The following BBS9 variants were observed in gnomAD, a reference collection of about 807,000 sequenced individuals.
BBS9 encodes protein PTHB1.
BBS9 carries 89 observed loss-of-function variants against 117.7 expected under a neutral mutation model. That is an observed-to-expected ratio of 0.76 (90% CI 0.64 to 0.90). The LOEUF is 0.90. Ranked by LOEUF, BBS9 falls within the 40% of genes least tolerant of loss-of-function variation. The pLI is 0.00. For missense variants in BBS9, 982 were observed against 1,042.2 expected (o/e 0.94, Z 0.80); for synonymous variants, 379 against 370.9 (o/e 1.02, Z -0.25).
intron 19 of BBS9, among the ~76,000 whole-genome samples, chr7:33,420,926 C>T (rs542341567): frequency 1.9e-3 from 292 of 152,252 alleles, no homozygotes; most frequent in South Asian, 8.1e-3. Flanking sequence ...TGAAACAAGC[C>T]GGCCACTATT....
chr7:33,304,447 G>A (rs1465536989), intron 9 of BBS9, among the ~76,000 whole-genome samples: 1 of 145,774 alleles, frequency 6.9e-6, no homozygotes, highest in Non-Finnish European at 1.5e-5. Flanking sequence ...ATTGAGGAGT[G>A]CCTCTGCCCG....
At chr7:33,401,227 T>C (rs918254006) in intron 19 of BBS9, among the ~76,000 whole-genome samples, 1 of 152,238 alleles carries the variant, frequency 6.6e-6, no homozygotes, top group African/African-American at 2.4e-5. Context: ...AGAAGCCATA[T>C]TCTTGGAGAT....
intron 19 of BBS9, among the ~76,000 whole-genome samples, chr7:33,447,829 T>G (rs1016602627): frequency 6.6e-6 from 1 of 152,168 alleles, no homozygotes; most frequent in Non-Finnish European, 1.5e-5. Context: ...TTAGAGCTGA[T>G]TTCAATGAAT....
chr7:33,467,029 C>G (rs1333768425), intron 19 of BBS9, among the ~76,000 whole-genome samples: 3 of 75,554 alleles, frequency 4.0e-5, no homozygotes, highest in African/African-American at 5.5e-5. Context: ...CTCTCTCTCT[C>G]TCTTATGACA....
chr7:33,355,129 T>C (rs866903779), intron 15 of BBS9, among the ~76,000 whole-genome samples: 19 of 152,052 alleles, frequency 1.2e-4, no homozygotes, highest in African/African-American at 4.6e-4. Flanking sequence ...AGTTGAAAGC[T>C]GTTCTGCTAG....
chr7:33,368,384 T>C (rs1822199401), intron 17 of BBS9, among the ~76,000 whole-genome samples: 1 of 152,182 alleles, frequency 6.6e-6, no homozygotes, highest in Non-Finnish European at 1.5e-5. Flanking sequence ...AGTTTGAATT[T>C]AAATATGCTT....
chr7:33,514,216 T>A (rs144355765), intron 20 of BBS9, among the ~76,000 whole-genome samples: 1 of 152,220 alleles, frequency 6.6e-6, no homozygotes, highest in African/African-American at 2.4e-5. Context: ...GGTTTCCTTA[T>A]CTGTACGGTG....
At chr7:33,469,010 T>TAG (rs1840597953) in intron 19 of BBS9, among the ~76,000 whole-genome samples, 1 of 151,328 alleles carries the variant, frequency 6.6e-6, no homozygotes, top group African/African-American at 2.4e-5. Context: ...TTTTTTTTTT[T>TAG]TTTGTGAGAG....
intron 21 of BBS9, among the ~76,000 whole-genome samples, chr7:33,618,722 C>T (rs1268611981): frequency 6.6e-6 from 1 of 151,980 alleles, no homozygotes; most frequent in African/African-American, 2.4e-5. Flanking sequence ...ACATTAATAA[C>T]ATAATGTGAG....
chr7:33,485,947 T>G (rs1843055634), intron 19 of BBS9, among the ~76,000 whole-genome samples: 1 of 152,056 alleles, frequency 6.6e-6, no homozygotes, highest in Admixed American at 6.5e-5. Flanking sequence ...GACTCATGAG[T>G]AGTTAGGTGT....
chr7:33,385,874 G>A (rs1258188044), intron 18 of BBS9, among the ~76,000 whole-genome samples: 1 of 151,664 alleles, frequency 6.6e-6, no homozygotes, highest in Non-Finnish European at 1.5e-5. Context: ...TTAATTTTTG[G>A]TATTTTTTTG....
At chr7:33,559,762 C>T (rs1266793290) in intron 21 of BBS9, among the ~76,000 whole-genome samples, 7 of 152,126 alleles carry the variant, frequency 4.6e-5, no homozygotes, top group East Asian at 1.9e-4. Flanking sequence ...TGCCACGACT[C>T]GTGAGTCCCT....
chr7:33,471,885 C>T (rs963682708), intron 19 of BBS9, among the ~76,000 whole-genome samples: 1 of 152,150 alleles, frequency 6.6e-6, no homozygotes, highest in Non-Finnish European at 1.5e-5. Flanking sequence ...GCCAGGGTTC[C>T]GCACAGCTGG....
intron 19 of BBS9, among the ~76,000 whole-genome samples, chr7:33,416,284 C>T (rs949576553): frequency 1.3e-5 from 2 of 151,350 alleles, no homozygotes; most frequent in African/African-American, 4.9e-5. Flanking sequence ...CACATGGGTC[C>T]TGCCTTCTTC....
chr7:33,210,893 C>G (rs1787882107), intron 5 of BBS9, among the ~76,000 whole-genome samples: 1 of 152,138 alleles, frequency 6.6e-6, no homozygotes, highest in Admixed American at 6.5e-5. Context: ...TACCCTGTTG[C>G]TGGATTGACT....
rs560906718 is a variant in BBS9 at position 33,527,307 on chromosome 7, C to T, written c.2299-6647C>T. On this transcript the variant is annotated intron_variant, in intron 20 of 22. Transcript: ENST00000242067. ...CGAGCTTCCTGGCTGCTTTGTTTAC[C>T]TAAGCAAGCCTGGGCAATGGTGGGC... is the stretch of plus-strand genomic sequence containing the variant. Among the ~76,000 whole-genome samples the T allele has an allele frequency of 2.0e-5, 3 of 152,300 alleles. No individual in the cohort carries two copies. The East Asian group carries it at 5.8e-4, about 30-fold the overall frequency.
rs77035143 is a variant in BBS9 at position 33,475,144 on chromosome 7, T to C, written c.2116-30319T>C. On this transcript the variant is annotated intron_variant, in intron 19 of 22. Coordinates refer to ENST00000242067, the MANE Select transcript of BBS9 (RefSeq NM_198428.3). Reference sequence around the variant, plus strand: ...TTCTTAAAGGGCAAGACAGTAAATATTTTATGCTTTGCAGTCTATCTGGTC... The same window carrying C: ...TTCTTAAAGGGCAAGACAGTAAATACTTTATGCTTTGCAGTCTATCTGGTC... Among the ~76,000 whole-genome samples the C allele has an allele frequency of 7.7e-3, 1,173 of 152,316 alleles. 15 individuals carry two copies. Among genetic ancestry groups the C allele is most frequent in the Middle Eastern group, 0.014 (4 of 294 alleles).
intron 20 of BBS9, among the ~76,000 whole-genome samples, chr7:33,508,821 A>T (rs182650667): frequency 2.8e-4 from 42 of 152,342 alleles, no homozygotes; most frequent in Non-Finnish European, 5.7e-4. Flanking sequence ...TTTCCTAGAA[A>T]TAAATGTTCT....
chr7:33,312,736 C>T (rs562899367), intron 9 of BBS9, among the ~76,000 whole-genome samples: 2 of 152,222 alleles, frequency 1.3e-5, no homozygotes, highest in East Asian at 3.9e-4. Flanking sequence ...GCCTTAACAC[C>T]TTTACAAATT....
Sources: allele counts gnomAD v4.1 joint callset (sites outside exome capture counted in the v4.1 genomes callset), GRCh38; gene constraint gnomAD v4.1.1; transcripts MANE v1.5; gene names NCBI Gene and HGNC (gene_info 2026-07-23, HGNC 2026-07-21).